The following PNPLA5 variants were observed in gnomAD, a reference collection of about 807,000 sequenced individuals.
PNPLA5 encodes patatin like domain 5, triacylglycerol lipase.
Under a neutral mutation model 49.1 loss-of-function variants are expected in PNPLA5, and 44 were observed. That is an observed-to-expected ratio of 0.90 (90% CI 0.70 to 1.15). The LOEUF is 1.15. PNPLA5 is among the 50% of genes most tolerant of loss of function. The probability of loss-of-function intolerance (pLI) is 0.00; values close to 1 mark genes in which losing one functional copy is unlikely to be tolerated. For synonymous variants in PNPLA5, 243 were observed against 244.4 expected (o/e 0.99, Z 0.06); for missense variants, 603 against 564.0 (o/e 1.07, Z -0.70).
intron 7 of PNPLA5, among the ~76,000 whole-genome samples, chr22:43,883,311 G>A (rs1261214411): frequency 6.6e-6 from 1 of 152,224 alleles, no homozygotes; most frequent in Non-Finnish European, 1.5e-5. Context: ...GTGATAATTT[G>A]TAGGTCGTGA....
chr22:43,889,375 T>C lies in PNPLA5; in HGVS notation c.656A>G (p.Glu219Gly). 1 of 1,613,964 alleles carries C rather than the reference T, an allele frequency of 6.2e-7. No homozygotes were observed. Reference protein sequence around the residue: ...VFNFSFQISTENFFLGLICLI... With the variant: ...VFNFSFQISTGNFFLGLICLI... ...ACATATGAGCCCCAGGAAGAAGTTC[T>C]CAGTGGAGATTTGGAAGCTGAAGTT... Residue 219 changes from glutamate (E) to glycine (G), a missense_variant, in exon 4 of 9, where the codon GAG (glutamate) becomes GGG (glycine). By Grantham distance (98) the Glu-to-Gly change is moderately conservative. Coordinates refer to ENST00000216177, the MANE Select transcript of PNPLA5 (RefSeq NM_138814.4).
In PNPLA5 at chr22:43,889,848, A is replaced by G. The variant is rs1407830286; in HGVS notation, c.443T>C (p.Leu148Ser). Residue 148 changes from leucine (L) to serine (S), a missense_variant, in exon 3 of 9, where the codon TTA becomes TCA. By Grantham distance (145) the Leu-to-Ser change is moderately radical. Transcript: ENST00000216177. ...DELIQALVCT[L>S]YFPFYCGLIP... ...CAGCCCGCAGTAGAAAGGAAAGTATAAGGTGCAGACCAAGGCCTAGGAAGA... is the reference window on the plus strand; with the variant it reads ...CAGCCCGCAGTAGAAAGGAAAGTATGAGGTGCAGACCAAGGCCTAGGAAGA... The G allele has an allele frequency of 6.2e-7, 1 of 1,613,512 alleles. No homozygotes were observed. Among genetic ancestry groups the G allele is most frequent in the Non-Finnish European group, 8.5e-7 (1 of 1,179,892 alleles).
chr22:43,884,426 A>G, intron 6 of PNPLA5, 81 bp from the exon 7 acceptor site: 1 of 1,434,462 alleles, frequency 7.0e-7, no homozygotes, highest in Non-Finnish European at 9.2e-7. Flanking sequence ...TCACACAGTA[A>G]GAGACTGCAC....
At position 43,880,927 on chromosome 22, in the gene PNPLA5, G is replaced by A. The variant is rs41278865; in HGVS notation, c.1200-42C>T. 9,212 of 1,305,806 alleles carry A rather than the reference G, an allele frequency of 7.1e-3. 52 individuals are homozygous for A. The highest frequency in any genetic ancestry group is 7.6e-3 in the Non-Finnish European group (7,784 of 1,020,528). The allele number at this position is 1,305,806 out of a possible 1,614,324, so 80.9% of individuals were successfully genotyped here. ...AGCCACGGGTAAATGCCTGGGGCTCGGGAAGGGTAGGTGAAACCACGTGGG... is the reference window on the plus strand; with the variant it reads ...AGCCACGGGTAAATGCCTGGGGCTCAGGAAGGGTAGGTGAAACCACGTGGG... On this transcript the variant is annotated intron_variant, in intron 8 of 8. Coordinates refer to ENST00000216177, the MANE Select transcript of PNPLA5 (RefSeq NM_138814.4).
rs377273512 is a variant in PNPLA5 at position 43,891,203 on chromosome 22, G to A, written c.285C>T (p.His95=). 2 of 1,584,776 alleles carry A rather than the reference G, an allele frequency of 1.3e-6. No individual in the cohort carries two copies. The highest frequency in any genetic ancestry group is 1.3e-5 in the African/African-American group (1 of 74,554). ...ILHPAYAPIE[H]VKQQLQDALP... ...GAGCATCCTGCAGCTGCTGCTTGAC[G>A]TGCTCGATGGGCGCGTAGGCCGGGT... Residue 95 remains histidine (H), a synonymous_variant, in exon 2 of 9, where the codon CAC becomes CAT. Coordinates refer to ENST00000216177, the MANE Select transcript of PNPLA5 (RefSeq NM_138814.4).
Position 43,889,787 on chromosome 22 carries a change from G to C in PNPLA5, c.492+12C>G, listed in dbSNP as rs713864. On this transcript the variant is annotated intron_variant, in intron 3 of 8. Coordinates refer to ENST00000216177, the MANE Select transcript of PNPLA5 (RefSeq NM_138814.4). ...GCCCAGAGCACAGAACGGGGTTCCA[G>C]AGTGCACTCACCTCCCCTCTGAACT... 6.8e-6 allele frequency: 11 copies of C among 1,610,548 alleles called. No individual in the cohort carries two copies. Among genetic ancestry groups the C allele is most frequent in the Non-Finnish European group, 9.3e-6 (11 of 1,178,694 alleles).
At chr22:43,891,538 C>T in intron 1 of PNPLA5, 150 bp downstream of exon 1, 4 of 1,262,996 alleles carry the variant, frequency 3.2e-6, no homozygotes, top group Non-Finnish European at 4.2e-6. Context: ...GTCACCTAGT[C>T]CCCAGCACTC....
rs940203839 is a variant in PNPLA5, at chr22:43,891,877, C to T, written c.4G>A (p.Gly2Ser). The change falls in exon 1 of 9, where the codon GGC (glycine) becomes AGC (serine). Residue 2 changes from glycine to serine, a missense_variant. Transcript: ENST00000216177. The part of the protein sequence containing the change: M[G>S]FLEEEGRWNL... ...CATCTGCCCTCCTCCTCTAAGAAGC[C>T]CATGGCGGGTGGACCGGGCGGGGTG... The T allele has an allele frequency of 6.6e-6, 10 of 1,510,634 alleles. No individual in the cohort carries two copies. The African/African-American group carries it at 1.3e-4, about 20-fold the overall frequency. 93.6% of individuals were successfully genotyped at this position (1,510,634 alleles called of 1,614,324 possible).
chr22:43,890,749 G>A (rs1299942685), intron 2 of PNPLA5, among the ~76,000 whole-genome samples: 3 of 152,212 alleles, frequency 2.0e-5, no homozygotes, highest in Non-Finnish European at 4.4e-5. Flanking sequence ...AAAGCGGCGG[G>A]AGGATGGAGT....
chr22:43,887,980 A>G (rs2049683480), intron 4 of PNPLA5, among the ~76,000 whole-genome samples: 1 of 152,132 alleles, frequency 6.6e-6, no homozygotes, highest in African/African-American at 2.4e-5. Context: ...AAATGGGATA[A>G]CAAGGCCTGG....
Position 43,891,979 on chromosome 22 carries a change from T to G in PNPLA5, c.-99A>C. The G allele has an allele frequency of 7.9e-7, 1 of 1,269,744 alleles. No homozygotes were observed. The highest frequency in any genetic ancestry group is 1.1e-6 in the Non-Finnish European group (1 of 946,700). The allele number at this position is 1,269,744 out of a possible 1,614,324, so 78.7% of individuals were successfully genotyped here. On this transcript the variant is annotated 5_prime_UTR_variant, in exon 1 of 9. Transcript: ENST00000216177. ...CCTTGGACGGGGCTGGGCCCAAATG[T>G]GGGCTCTGGAGGGAGCCGGGCTGGG...
At chr22:43,890,169 T>C (rs1205695856) in intron 2 of PNPLA5, 7 of 684,926 alleles carry the variant, frequency 1.0e-5, no homozygotes, top group Admixed American at 6.3e-5. Context: ...TGTGTAGCAG[T>C]TGGGATGGGG....
In PNPLA5 at chr22:43,891,842, G is replaced by A; in HGVS notation, c.39C>T (p.Ser13=). The change falls in exon 1 of 9, where the codon TCC becomes TCT. Residue 13 remains serine (S), a synonymous_variant. Transcript: ENST00000216177. The part of the protein sequence containing the change: ...FLEEEGRWNL[S]FSGAGYLGAH... ...CGCCCAGGTAGCCGGCGCCGGAGAA[G>A]GACAGGTTCCATCTGCCCTCCTCCT... The A allele has an allele frequency of 1.3e-6, 2 of 1,522,712 alleles. No homozygotes were observed. Among genetic ancestry groups the A allele is most frequent in the Non-Finnish European group, 1.8e-6 (2 of 1,140,034 alleles). The allele number at this position is 1,522,712 out of a possible 1,614,324, so 94.3% of individuals were successfully genotyped here.
At position 43,891,789 on chromosome 22, in the gene PNPLA5, A is replaced by C. The variant is rs1218382482; in HGVS notation, c.92T>G (p.Leu31Arg). 8 of 1,528,674 alleles carry C rather than the reference A, an allele frequency of 5.2e-6. No individual in the cohort carries two copies. Among genetic ancestry groups the C allele is most frequent in the Non-Finnish European group, 7.0e-6 (8 of 1,141,012 alleles). The allele number at this position is 1,528,674 out of a possible 1,614,324, so 94.7% of individuals were successfully genotyped here. A position where few individuals can be genotyped will look rare whatever the true frequency, so the allele number is the denominator to read the frequency against. Residue 31 changes from leucine to arginine, a missense_variant, in exon 1 of 9, where the codon CTG becomes CGG. Coordinates refer to ENST00000216177, the MANE Select transcript of PNPLA5 (RefSeq NM_138814.4). ...GAHHVGATEC[L>R]RQRAPRLLQG... is the part of the protein sequence containing the mutation. ...GAGGAGGCGCGGGGCTCGCTGGCGC[A>C]GGCATTCGGTGGCGCCCACGTGGTG... is the stretch of plus-strand genomic sequence containing the variant.
At chr22:43,888,460 A>G (rs1244999750) in intron 4 of PNPLA5, among the ~76,000 whole-genome samples, 8 of 100,886 alleles carry the variant, frequency 7.9e-5, no homozygotes, top group East Asian at 2.7e-4. Context: ...TTTGAGATGG[A>G]GTCTCACTCT....
chr22:43,891,226 G>C lies in PNPLA5; in HGVS notation c.262C>G (p.Pro88Ala). ...LERLSLSILH[P>A]AYAPIEHVKQ... ...ACGTGCTCGATGGGCGCGTAGGCCG[G>C]GTGCAGGATGCTTAGGCTCAGCCGC... The change falls in exon 2 of 9, where the codon CCG (proline) becomes GCG (alanine). Residue 88 changes from proline to alanine, a missense_variant. Physicochemically the swap from Pro to Ala is conservative, Grantham distance 27 (BLOSUM62 -1). Transcript: ENST00000216177. 6.4e-7 allele frequency: 1 copy of C among 1,571,370 alleles called. No homozygotes were observed. Among genetic ancestry groups the C allele is most frequent in the South Asian group, 1.2e-5 (1 of 85,240 alleles).
chr22:43,883,678 G>A (rs1240996298), intron 7 of PNPLA5, among the ~76,000 whole-genome samples: 1 of 152,152 alleles, frequency 6.6e-6, no homozygotes, highest in Non-Finnish European at 1.5e-5. Context: ...GGGCGTGGCG[G>A]TGGGCACCTG....
At chr22:43,885,021 C>T (rs1020342924) in intron 6 of PNPLA5, among the ~76,000 whole-genome samples, 1 of 152,208 alleles carries the variant, frequency 6.6e-6, no homozygotes, top group Non-Finnish European at 1.5e-5. Context: ...TAGGACGAGT[C>T]CTAGCTTCCT....
intron 1 of PNPLA5, 150 bp from the exon 2 acceptor site, chr22:43,891,444 C>T (rs757988534): frequency 5.7e-6 from 8 of 1,399,556 alleles, no homozygotes; most frequent in Admixed American, 3.2e-5. Flanking sequence ...TCAAATGATC[C>T]GTTCACCTTT....
Sources: allele counts gnomAD v4.1 joint callset (sites outside exome capture counted in the v4.1 genomes callset), GRCh38; gene constraint gnomAD v4.1.1; transcripts MANE v1.5; gene names NCBI Gene and HGNC (gene_info 2026-07-23, HGNC 2026-07-21).